The following GATA4 variants were observed in gnomAD, a reference collection of about 807,000 sequenced individuals.
GATA4 encodes the protein GATA binding protein 4.
Under a neutral mutation model 37.9 loss-of-function variants are expected in GATA4, and 7 were observed. The ratio of observed to expected loss-of-function variants is 0.18; its 90% confidence interval spans 0.11 to 0.35. The LOEUF (loss-of-function observed/expected upper bound fraction) is 0.35. Among genes scored for constraint, GATA4 ranks in the 10% least tolerant of loss-of-function variants. GATA4 has a pLI of 1.00. For missense variants in GATA4, 647 were observed against 653.0 expected, an observed-to-expected ratio of 0.99 and a Z score of 0.10; for synonymous variants, 372 against 292.6, an observed-to-expected ratio of 1.27 and a Z score of -2.77.
chr8:11,693,190 G>A (rs1799379435), intron 1 of GATA4: 1 of 680,722 alleles, frequency 1.5e-6, no homozygotes, highest in South Asian at 6.5e-5. Context: ...GGCAAGCTGG[G>A]CGCGGTGGCG....
rs1012239622 is a variant in GATA4, at chr8:11,694,382, C to G, written c.-729+1722C>G. ...CCATTGAACCGTTGCCTGTTTCACT[C>G]AAGGCCTTCCTCTGTAAGGTCAGAG... On this transcript the variant is annotated intron_variant, in intron 1 of 2. Coordinates refer to the GATA4 transcript ENST00000526974. The G allele has an allele frequency of 8.7e-6, 5 of 576,450 alleles. No individual in the cohort carries two copies. The African/African-American group carries it at 1.0e-4, about 12-fold the overall frequency. The allele number at this position is 576,450 out of a possible 1,614,324, so 35.7% of individuals were successfully genotyped here.
intron 4 of GATA4, among the ~76,000 whole-genome samples, chr8:11,752,285 G>T (rs559704079): frequency 6.6e-6 from 1 of 152,298 alleles, no homozygotes; most frequent in South Asian, 2.1e-4. Context: ...ACGTATAGGT[G>T]TATTAGTCTG....
chr8:11,726,929 C>T (rs1800954340), intron 2 of GATA4, among the ~76,000 whole-genome samples: 1 of 152,148 alleles, frequency 6.6e-6, no homozygotes. Context: ...AGTTTTCACT[C>T]ATCTAGTTTG....
intron 1 of GATA4, among the ~76,000 whole-genome samples, chr8:11,687,008 A>C (rs1315593036): frequency 6.6e-6 from 1 of 152,110 alleles, no homozygotes; most frequent in African/African-American, 2.4e-5. Flanking sequence ...AAAAAAAAAA[A>C]AAAAATCCTC....
chr8:11,689,619 G>T (rs1303535074), upstream of GATA4, among the ~76,000 whole-genome samples: 1 of 152,202 alleles, frequency 6.6e-6, no homozygotes, highest in African/African-American at 2.4e-5. Flanking sequence ...CCCACTCTAA[G>T]TAGTGCATGG....
rs975058967 is a variant in GATA4, at chr8:11,708,238, C to G, written c.-75C>G. The G allele has an allele frequency of 2.8e-5, 42 of 1,499,308 alleles. No homozygotes were observed. The highest frequency in any genetic ancestry group is 3.8e-5 in the Non-Finnish European group (42 of 1,113,514). The allele number at this position is 1,499,308 out of a possible 1,614,324, so 92.9% of individuals were successfully genotyped here. On this transcript the variant is annotated 5_prime_UTR_variant, in exon 2 of 7. Transcript: ENST00000532059. This position sits in a 1 kb window ranked among gnomAD's most constrained non-coding sequence, Gnocchi z 6.7. ...CCACGCATATTATCGTTGTTGCCGT[C>G]GTTTTCTCTCCCCGCGTGGCTCCTT...
intron 1 of GATA4, among the ~76,000 whole-genome samples, chr8:11,697,229 G>T (rs919044616): frequency 1.3e-5 from 2 of 152,250 alleles, no homozygotes; most frequent in Non-Finnish European, 2.9e-5. Flanking sequence ...TAACCGGAGA[G>T]CCCCTGTCCT....
intron 1 of GATA4, among the ~76,000 whole-genome samples, chr8:11,696,250 A>C (rs1217847613): frequency 6.6e-6 from 1 of 151,798 alleles, no homozygotes; most frequent in Non-Finnish European, 1.5e-5. Context: ...CGCCCCTCCA[A>C]ATTTCTTCCT....
At chr8:11,720,336 C>T (rs1446355120) in intron 2 of GATA4, among the ~76,000 whole-genome samples, 3 of 152,064 alleles carry the variant, frequency 2.0e-5, no homozygotes, top group African/African-American at 7.2e-5. Context: ...CCTGTGCCTG[C>T]GTGGACATCA....
At chr8:11,692,089 G>C (rs1263890070), upstream of GATA4, 1 of 980,906 alleles carries the variant, frequency 1.0e-6, no homozygotes, top group East Asian at 1.1e-4. Context: ...AGAAAGGGAA[G>C]GTGACAGGTG....
intron 1 of GATA4, among the ~76,000 whole-genome samples, chr8:11,685,585 C>G (rs1799109517): frequency 6.6e-6 from 1 of 152,156 alleles, no homozygotes; most frequent in Non-Finnish European, 1.5e-5. Context: ...CAAGAACAGC[C>G]CTGGACTCCT....
chr8:11,680,593 G>T lies in GATA4; in HGVS notation c.-274+3530G>T, dbSNP rs558415063. 1.6e-4 allele frequency: 154 copies of T among 985,356 alleles called. No individual in the cohort carries two copies. The African/African-American group carries it at 2.4e-3, about 15-fold the overall frequency. 61.0% of individuals were successfully genotyped at this position (985,356 alleles called of 1,614,324 possible). On this transcript the variant is annotated intron_variant, in intron 1 of 6. Transcript: ENST00000528712. ...CAGGAAGCCCAGGCTATGCCCAGCC[G>T]GGTCCGAGCGGCGGTCGGTGGCGTG...
At chr8:11,753,117 G>A (rs1048786464) in intron 4 of GATA4, among the ~76,000 whole-genome samples, 34 of 152,192 alleles carry the variant, frequency 2.2e-4, no homozygotes, top group Non-Finnish European at 5.9e-5. Context: ...GCTGTTTATA[G>A]CAGCATGATT....
intron 2 of GATA4, among the ~76,000 whole-genome samples, chr8:11,724,281 G>A (rs1373056838): frequency 6.6e-6 from 1 of 152,094 alleles, no homozygotes; most frequent in African/African-American, 2.4e-5. Context: ...TTACATGGGT[G>A]AACAAATATC....
chr8:11,713,333 C>T (rs1484661778), intron 2 of GATA4, among the ~76,000 whole-genome samples: 1 of 152,104 alleles, frequency 6.6e-6, no homozygotes, highest in Admixed American at 6.5e-5. Flanking sequence ...TTACTGAGGG[C>T]AGGTACAGAG....
intron 2 of GATA4, among the ~76,000 whole-genome samples, chr8:11,736,873 G>A (rs193040088): frequency 3.0e-4 from 46 of 152,302 alleles, no homozygotes; most frequent in African/African-American, 1.1e-3. Flanking sequence ...AAGAAGATCT[G>A]AGGCCTATAT....
chr8:11,758,207 C>A (rs1452973565), intron 6 of GATA4, 86 bp from the exon 7 acceptor site: 65 of 1,366,796 alleles, frequency 4.8e-5, no homozygotes, highest in Non-Finnish European at 6.7e-5. Context: ...GGGACATCTG[C>A]ATAGCAGGGC....
chr8:11,697,831 G>A (rs1161045942), intron 1 of GATA4: 1 of 985,436 alleles, frequency 1.0e-6, no homozygotes, highest in Middle Eastern at 5.2e-4. Flanking sequence ...GGGGCGTTCC[G>A]GCCACCACGG....
chr8:11,677,547 G>A (rs1323782271), intron 1 of GATA4, among the ~76,000 whole-genome samples: 1 of 152,142 alleles, frequency 6.6e-6, no homozygotes, highest in Non-Finnish European at 1.5e-5. Context: ...GGGGTCCCCC[G>A]CAGCCCTTGG....
Sources: allele counts gnomAD v4.1 joint callset (sites outside exome capture counted in the v4.1 genomes callset), GRCh38; gene constraint gnomAD v4.1.1; non-coding constraint Gnocchi (gnomAD v3.1); transcripts MANE v1.5; gene names NCBI Gene and HGNC (gene_info 2026-07-23, HGNC 2026-07-21).